Variants in PLIN2 observed in about 807,000 individuals in gnomAD.
PLIN2 encodes the protein perilipin-2.
A neutral mutation model predicts 30.6 loss-of-function variants in PLIN2; 33 were observed. The observed-to-expected ratio is 1.08, with a 90% CI of 0.82 to 1.44. The LOEUF (loss-of-function observed/expected upper bound fraction) is 1.44. Among genes scored for constraint, PLIN2 ranks in the 40% most tolerant of loss-of-function variants. The pLI is 0.00. For synonymous variants in PLIN2, 205 were observed against 201.1 expected (o/e 1.02, Z -0.16); for missense variants, 610 against 531.8 (o/e 1.15, Z -1.45).
Position 19,127,289 on chromosome 9 carries a change from C to T in PLIN2, c.-23+130G>A, listed in dbSNP as rs1356472972. The T allele has an allele frequency of 6.6e-6, 1 of 152,224 alleles. No individual in the cohort carries two copies. The highest frequency in any genetic ancestry group is 6.5e-5 in the Admixed American group (1 of 15,286). The allele number at this position is 152,224 out of a possible 1,614,324, so 9.4% of individuals were successfully genotyped here. A position where few individuals can be genotyped will look rare whatever the true frequency, so the allele number is the denominator to read the frequency against. On this transcript the variant is annotated intron_variant, in intron 1 of 7. Coordinates refer to ENST00000276914, the MANE Select transcript of PLIN2 (RefSeq NM_001122.4). The surrounding 1 kb of genome is among the most constrained non-coding windows in gnomAD (Gnocchi z 4.3). ...GGGTCTCGGACCATCACCCCCGCGT[C>T]CCGTCCACCTTTGAGCCCCGCGGGG...
downstream of PLIN2, among the ~76,000 whole-genome samples, chr9:19,113,774 G>T (rs183068078): frequency 0.049 from 6,434 of 131,286 alleles, 167 homozygotes; most frequent in Non-Finnish European, 0.059. Flanking sequence ...GTTATTTTTG[G>T]TTTTTTTTTT....
intron 3 of PLIN2, 107 bp from the exon 4 acceptor site, chr9:19,123,754 C>T (rs1018190708): frequency 1.4e-5 from 12 of 880,842 alleles, no homozygotes; most frequent in South Asian, 8.4e-5. Flanking sequence ...GGCACGGTGG[C>T]TCACGCCTGT....
chr9:19,115,309 T>C (rs946160393), downstream of PLIN2, among the ~76,000 whole-genome samples: 3 of 150,652 alleles, frequency 2.0e-5, no homozygotes, highest in African/African-American at 7.3e-5. Flanking sequence ...TATTTTCTTT[T>C]CTTTTTTTTT....
Position 19,126,251 on chromosome 9 carries a change from G to A in PLIN2, c.89C>T (p.Ser30Phe). Residue 30 changes from serine to phenylalanine, a missense_variant, in exon 3 of 8, where the codon TCC becomes TTC. Physicochemically the swap from Ser to Phe is radical, Grantham distance 155. Transcript: ENST00000276914. ...GTCCTTTGTACTGAGATAGGCTGAGGACATGAGGTCATACGTGGAGCTCAC... is the reference window on the plus strand; with the variant it reads ...GTCCTTTGTACTGAGATAGGCTGAGAACATGAGGTCATACGTGGAGCTCAC... ...PLVSSTYDLMSSAYLSTKDQY... is the reference protein window; with the variant it reads ...PLVSSTYDLMFSAYLSTKDQY... 2 of 1,614,122 alleles carry A rather than the reference G, an allele frequency of 1.2e-6. No individual in the cohort carries two copies. Among genetic ancestry groups the A allele is most frequent in the Non-Finnish European group, 8.5e-7 (1 of 1,179,992 alleles).
In PLIN2 at chr9:19,121,022, C is replaced by A; in HGVS notation, c.453G>T (p.Lys151Asn). The A allele has an allele frequency of 1.9e-6, 3 of 1,614,198 alleles. No homozygotes were observed. Among genetic ancestry groups the A allele is most frequent in the Non-Finnish European group, 2.5e-6 (3 of 1,180,030 alleles). The change falls in exon 5 of 8, where the codon AAG (lysine) becomes AAT (asparagine). Residue 151 changes from lysine (K) to asparagine (N), a missense_variant. Transcript: ENST00000276914. ...TGCTGCCACTGACCACAGACTTGGT[C>A]TTCTCCACACTGCCAGTCACTGCCC... ...TKGAVTGSVE[K>N]TKSVVSGSIN... is the part of the protein sequence containing the mutation.
At chr9:19,114,022 C>G (rs544803897), downstream of PLIN2, among the ~76,000 whole-genome samples, 1 of 152,206 alleles carries the variant, frequency 6.6e-6, no homozygotes, top group Admixed American at 6.6e-5. Flanking sequence ...TCTTGATCTG[C>G]CAGCCTCAGC....
At chr9:19,118,528 T>C (rs1818266289) in intron 6 of PLIN2, 73 bp from the exon 7 acceptor site, 3 of 1,381,902 alleles carry the variant, frequency 2.2e-6, no homozygotes, top group Non-Finnish European at 3.0e-6. Context: ...AGATGTATGA[T>C]GTAAATCAGG....
Position 19,126,299 on chromosome 9 carries a change from G to T in PLIN2, c.41C>A (p.Thr14Asn), listed in dbSNP as rs759646495. ...VAVDPQPSVV[T>N]RVVNLPLVSS... ...CACCAAGGGCAGGTTGACCACCCGA[G>T]TCACCACACTCTGCAATCAAAGTAG... The change falls in exon 3 of 8, where the codon ACT (threonine) becomes AAT (asparagine). Residue 14 changes from threonine to asparagine, a missense_variant. Thr to Asn is a moderately conservative substitution (Grantham distance 65, BLOSUM62 0). Coordinates refer to ENST00000276914, the MANE Select transcript of PLIN2 (RefSeq NM_001122.4). The T allele has an allele frequency of 6.2e-7, 1 of 1,613,658 alleles. No individual in the cohort carries two copies. The highest frequency in any genetic ancestry group is 8.5e-7 in the Non-Finnish European group (1 of 1,179,748).
intron 6 of PLIN2, 68 bp downstream of exon 6, chr9:19,119,582 A>C (rs2131179650): frequency 1.1e-6 from 1 of 908,040 alleles, no homozygotes; most frequent in East Asian, 2.6e-5. Context: ...TTTTGTGATT[A>C]CATTTAATTC....
chr9:19,126,067 GCCACTGACCAGT>G (rs757367829), intron 3 of PLIN2, 35 bp downstream of exon 3: 23 of 1,532,888 alleles, frequency 1.5e-5, no homozygotes, highest in Middle Eastern at 3.4e-4. Flanking sequence ...TCAGGGGCTC[GCCACTGACCAGT>G]CCCTTGACTT....
chr9:19,109,219 C>T (rs578210723), intron 2 of PLIN2, among the ~76,000 whole-genome samples: 3 of 152,046 alleles, frequency 2.0e-5, no homozygotes, highest in South Asian at 2.1e-4. Context: ...TATACAATTT[C>T]GATAAGCTAG....
rs754853483 is a variant in PLIN2 at position 19,120,949 on chromosome 9, C to G, written c.526G>C (p.Val176Leu). The G allele has an allele frequency of 6.2e-7, 1 of 1,614,092 alleles. No homozygotes were observed. The highest frequency in any genetic ancestry group is 8.5e-7 in the Non-Finnish European group (1 of 1,179,922). ...SRMMQLVSSGVENALTKSELL... is the reference protein window; with the variant it reads ...SRMMQLVSSGLENALTKSELL... ...TCTGATTTGGTGAGTGCATTTTCTA[C>G]GCCACTGCTCACGAGCTGCATCATC... is the stretch of plus-strand genomic sequence containing the variant. The change falls in exon 5 of 8, where the codon GTA becomes CTA. Residue 176 changes from valine (V) to leucine (L), a missense_variant. By Grantham distance (32) the Val-to-Leu change is conservative (BLOSUM62 1). Transcript: ENST00000276914.
At chr9:19,109,945 G>C (rs1818137287) in intron 2 of PLIN2, among the ~76,000 whole-genome samples, 4 of 150,098 alleles carry the variant, frequency 2.7e-5, no homozygotes, top group African/African-American at 7.4e-5. Flanking sequence ...AACAGAGCAA[G>C]ACACTGTTTA....
Position 19,119,835 on chromosome 9 carries a change from A to G in PLIN2, c.596-4T>C. 1.9e-6 allele frequency: 3 copies of G among 1,558,242 alleles called. No individual in the cohort carries two copies. The South Asian group carries it at 3.5e-5, about 18-fold the overall frequency. On this transcript the variant is annotated splice_region_variant and splice_polypyrimidine_tract_variant and intron_variant, in intron 5 of 7. Transcript: ENST00000276914. The stretch of plus-strand genomic sequence containing the variant: ...TCAACTTTTTTTGCTTCTTTTTCTG[A>G]AGTTAGAAATAAGAGACAAAAAAAC...
chr9:19,124,074 T>G, intron 3 of PLIN2, among the ~76,000 whole-genome samples: 1 of 149,270 alleles, frequency 6.7e-6, no homozygotes, highest in African/African-American at 2.5e-5. Flanking sequence ...CATTGCCTGG[T>G]TTATCTAGTT....
intron 3 of PLIN2, chr9:19,125,872 A>G (rs751461390): frequency 8.5e-5 from 33 of 386,900 alleles, no homozygotes; most frequent in Non-Finnish European, 1.4e-4. Flanking sequence ...GCAGTGAGCC[A>G]AGACTGCGCC....
chr9:19,113,923 C>T (rs1199201775), downstream of PLIN2, among the ~76,000 whole-genome samples: 1 of 151,540 alleles, frequency 6.6e-6, no homozygotes, highest in Non-Finnish European at 1.5e-5. Flanking sequence ...TACAGGTGCA[C>T]GCCCCCATGC....
At chr9:19,119,178 G>C (rs1466604495) in intron 6 of PLIN2, among the ~76,000 whole-genome samples, 1 of 152,208 alleles carries the variant, frequency 6.6e-6, no homozygotes, top group Non-Finnish European at 1.5e-5. Context: ...TGGCTACACA[G>C]TAGTCTATTG....
chr9:19,108,424 T>C (rs752677897), exon 3 of PLIN2: 2 of 152,206 alleles, frequency 1.3e-5, no homozygotes, highest in Non-Finnish European at 2.9e-5. Context: ...AAACTTTAAT[T>C]ATATTAAATG....
Sources: gnomAD v4.1 joint callset for allele counts (sites outside exome capture counted in the v4.1 genomes callset) on GRCh38, gnomAD v4.1.1 for gene constraint, Gnocchi (gnomAD v3.1) non-coding constraint, MANE v1.5 for transcripts, NCBI Gene and HGNC (gene_info 2026-07-23, HGNC 2026-07-21) for gene names.